PTPRT: variants seen among roughly 807,000 people sequenced by gnomAD.
PTPRT encodes the protein protein tyrosine phosphatase receptor type T, also known as receptor-type tyrosine-protein phosphatase T.
A neutral mutation model predicts 176.8 loss-of-function variants in PTPRT; 56 were observed. The observed-to-expected ratio is 0.32, with a 90% CI of 0.26 to 0.40. The LOEUF (loss-of-function observed/expected upper bound fraction) is 0.40, where lower values mean the gene tolerates loss of function less well. Among genes scored for constraint, PTPRT ranks in the 10% least tolerant of loss-of-function variants. PTPRT has a pLI of 1.00. For missense variants in PTPRT, 1,540 were observed against 1,908.2 expected (o/e 0.81, Z 3.60); for synonymous variants, 783 against 739.0 (o/e 1.06, Z -0.96).
intron 12 of PTPRT, among the ~76,000 whole-genome samples, chr20:42,286,969 T>C (rs2147072805): frequency 6.6e-6 from 1 of 151,886 alleles, no homozygotes; most frequent in East Asian, 1.9e-4. Context: ...GATATACAAA[T>C]GGCCAACAAA....
At chr20:43,141,716 T>C (rs1303394412) in intron 1 of PTPRT, among the ~76,000 whole-genome samples, 1 of 152,226 alleles carries the variant, frequency 6.6e-6, no homozygotes, top group East Asian at 1.9e-4. Flanking sequence ...ACATCAACAG[T>C]GTATAAATTC....
intron 1 of PTPRT, among the ~76,000 whole-genome samples, chr20:42,887,390 A>G (rs2079120166): frequency 6.6e-6 from 1 of 152,212 alleles, no homozygotes; most frequent in African/African-American, 2.4e-5. Flanking sequence ...CAGATGCTGA[A>G]TCTGCCAATG....
intron 14 of PTPRT, among the ~76,000 whole-genome samples, chr20:42,247,961 A>C (rs1489121026): frequency 4.6e-5 from 7 of 152,208 alleles, no homozygotes; most frequent in African/African-American, 1.7e-4. Flanking sequence ...AATGCCTCTT[A>C]AACAGAGGAT....
chr20:42,605,290 G>A (rs1335498125), intron 7 of PTPRT, among the ~76,000 whole-genome samples: 1 of 152,048 alleles, frequency 6.6e-6, no homozygotes, highest in Non-Finnish European at 1.5e-5. Flanking sequence ...TGCAGTAGGG[G>A]AGCTCACTGC....
At chr20:42,710,362 C>T (rs1010565218) in intron 6 of PTPRT, among the ~76,000 whole-genome samples, 7 of 152,196 alleles carry the variant, frequency 4.6e-5, no homozygotes, top group Non-Finnish European at 1.0e-4. Context: ...GTTTTAGGGG[C>T]CAGGCATGGG....
intron 7 of PTPRT, among the ~76,000 whole-genome samples, chr20:42,529,574 C>A (rs1319287664): frequency 2.0e-5 from 3 of 152,124 alleles, no homozygotes; most frequent in Non-Finnish European, 4.4e-5. Flanking sequence ...GCAACTTCCA[C>A]CTCCCAGGTT....
chr20:42,295,151 T>G (rs1001939491), intron 12 of PTPRT, among the ~76,000 whole-genome samples: 5 of 152,132 alleles, frequency 3.3e-5, no homozygotes, highest in Non-Finnish European at 7.4e-5. Flanking sequence ...AAAATGCACC[T>G]GAAAAGATCA....
At chr20:42,625,597 T>A (rs2074275453) in intron 7 of PTPRT, among the ~76,000 whole-genome samples, 1 of 151,920 alleles carries the variant, frequency 6.6e-6, no homozygotes, top group Non-Finnish European at 1.5e-5. Flanking sequence ...CTATGCCACA[T>A]CTCAATCTCA....
chr20:42,064,356 A>G, the PTPRT span, among the ~76,000 whole-genome samples: 2 of 152,188 alleles, frequency 1.3e-5, no homozygotes, highest in Non-Finnish European at 2.9e-5. Flanking sequence ...CATGTTAACT[A>G]TAGTGATTGT....
intron 9 of PTPRT, among the ~76,000 whole-genome samples, chr20:42,432,901 G>A (rs1006250193): frequency 1.1e-4 from 17 of 152,132 alleles, no homozygotes; most frequent in Non-Finnish European, 2.1e-4. Flanking sequence ...ACTATAATCC[G>A]ACTATCTTGG....
At chr20:42,288,449 A>G (rs1292639661) in intron 12 of PTPRT, among the ~76,000 whole-genome samples, 1 of 151,984 alleles carries the variant, frequency 6.6e-6, no homozygotes, top group Non-Finnish European at 1.5e-5. Flanking sequence ...TATTGAACCC[A>G]TCACCCAAAG....
intron 9 of PTPRT, among the ~76,000 whole-genome samples, chr20:42,375,658 A>G (rs2058642358): frequency 6.6e-6 from 1 of 152,210 alleles, no homozygotes; most frequent in African/African-American, 2.4e-5. Context: ...TAACAGAACA[A>G]AGGAACTAAG....
At chr20:43,083,332 AT>A (rs2011497995) in intron 1 of PTPRT, among the ~76,000 whole-genome samples, 1 of 97,758 alleles carries the variant, frequency 1.0e-5, no homozygotes, top group Non-Finnish European at 2.0e-5. Flanking sequence ...ATATATATAT[AT>A]ATATATATAT....
At chr20:43,074,318 G>A (rs1265603991) in intron 1 of PTPRT, among the ~76,000 whole-genome samples, 3 of 152,122 alleles carry the variant, frequency 2.0e-5, no homozygotes, top group South Asian at 4.1e-4. Context: ...ATGATCATAC[G>A]TTCTTTTTCA....
chr20:42,284,742 G>A (rs558304479), intron 12 of PTPRT, among the ~76,000 whole-genome samples: 5 of 151,960 alleles, frequency 3.3e-5, no homozygotes, highest in African/African-American at 7.2e-5. Context: ...GACATGACTT[G>A]TTCTTCGGAA....
chr20:42,805,426 G>A (rs1301938488), intron 2 of PTPRT, among the ~76,000 whole-genome samples: 1 of 152,200 alleles, frequency 6.6e-6, no homozygotes, highest in African/African-American at 2.4e-5. Flanking sequence ...CCCTTCAACA[G>A]GGCTGCCTGT....
chr20:42,869,518 ATT>A (rs1173957336), intron 2 of PTPRT, among the ~76,000 whole-genome samples: 1 of 152,166 alleles, frequency 6.6e-6, no homozygotes, highest in Non-Finnish European at 1.5e-5. Context: ...CTTCTTCCCT[ATT>A]TATCTCTTTT....
chr20:42,822,776 C>T (rs891813342), intron 2 of PTPRT, among the ~76,000 whole-genome samples: 16 of 152,046 alleles, frequency 1.1e-4, no homozygotes, highest in African/African-American at 3.9e-4. Context: ...ATTTACGCAG[C>T]CAACAAACAT....
chr20:42,075,681 C>T lies in PTPRT; in HGVS notation c.*5198G>A, dbSNP rs1434045986. ...GGCTGCTACTCCCTGGGCCTCACTTCTGTTGTGTAGAGCAGTCTTACTGGA... is the reference window on the plus strand; with the variant it reads ...GGCTGCTACTCCCTGGGCCTCACTTTTGTTGTGTAGAGCAGTCTTACTGGA... On this transcript the variant is annotated 3_prime_UTR_variant, in exon 31 of 31. Transcript: ENST00000373187. 12 of 211,402 alleles carry T rather than the reference C, an allele frequency of 5.7e-5. No individual in the cohort carries two copies. Among genetic ancestry groups the T allele is most frequent in the Non-Finnish European group, 9.6e-5 (10 of 104,366 alleles). 13.1% of individuals were successfully genotyped at this position (211,402 alleles called of 1,614,324 possible). A position where few individuals can be genotyped will look rare whatever the true frequency, so the allele number is the denominator to read the frequency against.
Sources: gnomAD v4.1 joint callset for allele counts (sites outside exome capture counted in the v4.1 genomes callset) on GRCh38, gnomAD v4.1.1 for gene constraint, MANE v1.5 for transcripts, NCBI Gene and HGNC (gene_info 2026-07-23, HGNC 2026-07-21) for gene names.